TEX11: variants seen among roughly 807,000 people sequenced by gnomAD.
TEX11 encodes testis expressed 11.
A neutral mutation model predicts 84.4 loss-of-function variants in TEX11; 7 were observed. That is an observed-to-expected ratio of 0.08 (90% confidence interval 0.05 to 0.16). The LOEUF is 0.16. Among genes scored for constraint, TEX11 ranks in the 10% least tolerant of loss-of-function variants. The pLI is 1.00. For missense variants in TEX11, 551 were observed against 660.5 expected (o/e 0.83, Z 1.82); for synonymous variants, 264 against 222.8 (o/e 1.18, Z -1.64).
chrX:70,797,254 C>T (rs1324402186), intron 9 of TEX11, among the ~76,000 whole-genome samples: 1 of 111,898 alleles, frequency 8.9e-6, no homozygotes, highest in Non-Finnish European at 1.9e-5. Context: ...AAATGTGGTA[C>T]ATATACACCA....
At chrX:70,905,803 A>G (rs2091825810) in intron 2 of TEX11, among the ~76,000 whole-genome samples, 1 of 107,731 alleles carries the variant, frequency 9.3e-6, no homozygotes. Context: ...TGTAATCCTA[A>G]GACTTTGGGA....
intron 25 of TEX11, among the ~76,000 whole-genome samples, chrX:70,555,428 G>A (rs1259450543): frequency 8.9e-6 from 1 of 111,847 alleles, no homozygotes; most frequent in Admixed American, 9.5e-5. Context: ...TGAAAGAAGT[G>A]CTCTAACCTT....
At chrX:70,618,592 G>C (rs2089346254) in intron 20 of TEX11, among the ~76,000 whole-genome samples, 1 of 111,823 alleles carries the variant, frequency 8.9e-6, no homozygotes, top group South Asian at 3.8e-4. Context: ...TCACGGGGAA[G>C]GCCTTGAACA....
At chrX:70,642,919 CGGT>C (rs1203633043) in intron 17 of TEX11, among the ~76,000 whole-genome samples, 1 of 40,966 alleles carries the variant, frequency 2.4e-5, no homozygotes, top group Non-Finnish European at 4.7e-5. Context: ...GTTCTGGCCA[CGGT>C]AATTAGGCAG....
intron 9 of TEX11, among the ~76,000 whole-genome samples, chrX:70,782,933 T>C (rs1376673538): frequency 9.0e-6 from 1 of 110,704 alleles, no homozygotes; most frequent in East Asian, 2.8e-4. Context: ...AGACAGATGG[T>C]TAACAAGGAT....
intron 2 of TEX11, among the ~76,000 whole-genome samples, chrX:70,901,770 G>A (rs1285529564): frequency 8.9e-6 from 1 of 111,810 alleles, no homozygotes; most frequent in Non-Finnish European, 1.9e-5. Flanking sequence ...CCCCGTCATA[G>A]AGTGTACTTA....
At chrX:70,641,305 A>G (rs1289016824) in intron 17 of TEX11, among the ~76,000 whole-genome samples, 1 of 111,390 alleles carries the variant, frequency 9.0e-6, no homozygotes, top group Non-Finnish European at 1.9e-5. Flanking sequence ...TTAGATTCCC[A>G]CACATTAATA....
intron 9 of TEX11, among the ~76,000 whole-genome samples, chrX:70,777,761 TAAA>T (rs780237256): frequency 5.5e-4 from 59 of 107,988 alleles, no homozygotes; most frequent in Admixed American, 1.3e-3. Flanking sequence ...ACACACAAAA[TAAA>T]GAAGAAGGGA....
chrX:70,529,884 A>G lies in TEX11; in HGVS notation c.2636T>C (p.Leu879Ser). The change falls in exon 29 of 30, where the codon TTG becomes TCG. Residue 879 changes from leucine to serine, a missense_variant. Physicochemically the swap from Leu to Ser is moderately radical, Grantham distance 145. Transcript: ENST00000374333. Reference protein sequence around the residue: ...ASAEKWCGLALRFLNHLTSFK... With the variant: ...ASAEKWCGLASRFLNHLTSFK... ...GGAGGTAAGGTGGTTAAGGAAACGC[A>G]AGGCCAGGCCACACCACTTTTCAGC... is the stretch of plus-strand genomic sequence containing the variant. The G allele has an allele frequency of 1.7e-6, 2 of 1,211,448 alleles. No homozygotes were observed. The highest frequency in any genetic ancestry group is 2.2e-6 in the Non-Finnish European group (2 of 895,472).
At chrX:70,609,335 C>G (rs968193959) in intron 21 of TEX11, among the ~76,000 whole-genome samples, 158 bp from the exon 22 acceptor site, 1 of 112,325 alleles carries the variant, frequency 8.9e-6, no homozygotes, top group African/African-American at 3.2e-5. Flanking sequence ...ATTAAAATGA[C>G]AGAAAGCATT....
chrX:70,552,020 A>G (rs1325531247), intron 28 of TEX11, 106 bp downstream of exon 28: 1 of 890,943 alleles, frequency 1.1e-6, no homozygotes, highest in South Asian at 4.0e-5. Flanking sequence ...ATATGAATTT[A>G]TCCTAAAACT....
chrX:70,621,579 A>T (rs2404185), intron 20 of TEX11, among the ~76,000 whole-genome samples: 1,356 of 35,160 alleles, frequency 0.039, 78 homozygotes, highest in East Asian at 0.062. Context: ...TATATATATA[A>T]ATAAAAATAA....
chrX:70,774,315 G>A (rs182202558), intron 9 of TEX11, among the ~76,000 whole-genome samples: 5,335 of 107,126 alleles, frequency 0.05, 159 homozygotes, highest in Non-Finnish European at 0.081. Flanking sequence ...CCAACAACTG[G>A]AACAAAACAA....
chrX:70,647,452 C>T (rs766014220), intron 17 of TEX11, among the ~76,000 whole-genome samples: 89 of 111,064 alleles, frequency 8.0e-4, no homozygotes, highest in African/African-American at 2.7e-3. Flanking sequence ...TGGCTCATGC[C>T]TGTAATCCTA....
At chrX:70,591,233 A>G (rs1202466529) in intron 25 of TEX11, among the ~76,000 whole-genome samples, 1 of 111,641 alleles carries the variant, frequency 9.0e-6, no homozygotes, top group Non-Finnish European at 1.9e-5. Context: ...AAAGCAAAGT[A>G]AAAAATATTC....
intron 9 of TEX11, among the ~76,000 whole-genome samples, chrX:70,802,911 A>G (rs1438453175): frequency 2.7e-5 from 3 of 112,117 alleles, no homozygotes; most frequent in Non-Finnish European, 5.6e-5. Flanking sequence ...CAAGTTCAGC[A>G]TAATATATGT....
chrX:70,815,110 T>C (rs941379707), intron 8 of TEX11, among the ~76,000 whole-genome samples: 1 of 111,866 alleles, frequency 8.9e-6, no homozygotes, highest in African/African-American at 3.2e-5. Context: ...CAGTGAAATG[T>C]CTCACAACTA....
At chrX:70,809,180 A>T (rs1237711652) in intron 8 of TEX11, among the ~76,000 whole-genome samples, 4 of 112,331 alleles carry the variant, frequency 3.6e-5, no homozygotes, top group Admixed American at 9.5e-5. Flanking sequence ...AAGTGATAAA[A>T]TAACTAATAC....
intron 2 of TEX11, among the ~76,000 whole-genome samples, chrX:70,891,817 T>A (rs2091739773): frequency 8.9e-6 from 1 of 111,861 alleles, no homozygotes; most frequent in African/African-American, 3.2e-5. Flanking sequence ...CTTCAGGATA[T>A]TACCCAGGAG....
Sources: gnomAD v4.1 joint callset for allele counts (sites outside exome capture counted in the v4.1 genomes callset) on GRCh38, gnomAD v4.1.1 for gene constraint, MANE v1.5 for transcripts, NCBI Gene and HGNC (gene_info 2026-07-23, HGNC 2026-07-21) for gene names.